ADAMTS6: variants seen among roughly 807,000 people sequenced by gnomAD.
ADAMTS6 encodes ADAM metallopeptidase with thrombospondin type 1 motif 6, also known as A disintegrin and metalloproteinase with thrombospondin motifs 6.
ADAMTS6 carries 23 observed loss-of-function variants against 144.3 expected under a neutral mutation model. That is an observed-to-expected ratio of 0.16 (90% CI 0.11 to 0.23). ADAMTS6 has a LOEUF of 0.23. ADAMTS6 is among the 10% of genes least tolerant of loss of function. The pLI, the probability that ADAMTS6 is intolerant of heterozygous loss-of-function variation, is 1.00. For synonymous variants in ADAMTS6, 444 were observed against 457.5 expected (o/e 0.97, Z 0.38); for missense variants, 999 against 1,379.6 (o/e 0.72, Z 4.37).
rs185280300 is a variant in ADAMTS6, at chr5:65,354,843, C to T, written c.1074-20758G>A. On this transcript the variant is annotated intron_variant, in intron 7 of 24. Transcript: ENST00000381055. ...TAATATCAAGCCTTGTATTTTATTC[C>T]GAATCTTCAACAAGGTTTTCCTTGG... Among the ~76,000 whole-genome samples the T allele has an allele frequency of 3.2e-3, 490 of 151,614 alleles. 2 individuals carry two copies. Among genetic ancestry groups the T allele is most frequent in the Middle Eastern group, 0.01 (3 of 294 alleles).
intron 9 of ADAMTS6, among the ~76,000 whole-genome samples, chr5:65,302,217 TATACTTATACATATAATTATTATATAC>T (rs1447881567): frequency 1.2e-4 from 18 of 144,742 alleles, no homozygotes; most frequent in African/African-American, 4.5e-4. Context: ...ACATATATTA[TATACTTATACATATAATTATTATATAC>T]ATATACATTA....
chr5:65,266,623 T>C lies in ADAMTS6; in HGVS notation c.1621-3661A>G, dbSNP rs139698034. On this transcript the variant is annotated intron_variant, in intron 12 of 24. Coordinates refer to ENST00000381055, the MANE Select transcript of ADAMTS6 (RefSeq NM_197941.4). ...AAGCAAGTCACTTTTCTTTCTTCTC[T>C]TTTGTTTCCTTAACTATAAAATGGA... Among the ~76,000 whole-genome samples the C allele has an allele frequency of 5.5e-3, 841 of 152,062 alleles. 9 individuals carry two copies. The highest frequency in any genetic ancestry group is 0.017 in the African/African-American group (718 of 41,560).
intron 14 of ADAMTS6, among the ~76,000 whole-genome samples, chr5:65,248,935 A>C (rs1759895139): frequency 6.6e-6 from 1 of 151,258 alleles, no homozygotes; most frequent in Non-Finnish European, 1.5e-5. Flanking sequence ...ATATATATAC[A>C]ATACATCATA....
intron 10 of ADAMTS6, among the ~76,000 whole-genome samples, chr5:65,292,094 T>G (rs911644413): frequency 6.6e-6 from 1 of 152,154 alleles, no homozygotes; most frequent in Non-Finnish European, 1.5e-5. Context: ...AATGTTCTCT[T>G]CTTTGTATAA....
At chr5:65,271,147 T>A (rs1432118498) in intron 12 of ADAMTS6, among the ~76,000 whole-genome samples, 1 of 152,098 alleles carries the variant, frequency 6.6e-6, no homozygotes, top group East Asian at 1.9e-4. Flanking sequence ...CCCAGCACTT[T>A]GGGAGGCCGA....
chr5:65,366,997 A>G (rs532903897), intron 7 of ADAMTS6, among the ~76,000 whole-genome samples: 1 of 152,256 alleles, frequency 6.6e-6, no homozygotes, highest in East Asian at 1.9e-4. Flanking sequence ...GGGTGGGGAG[A>G]CTTTTTAAAT....
intron 7 of ADAMTS6, among the ~76,000 whole-genome samples, chr5:65,352,125 A>G (rs1748908175): frequency 6.7e-6 from 1 of 149,890 alleles, no homozygotes. Flanking sequence ...AGTATCTAGC[A>G]GGCACTGATA....
chr5:65,292,432 G>C, intron 10 of ADAMTS6, among the ~76,000 whole-genome samples: 1 of 150,450 alleles, frequency 6.6e-6, no homozygotes, highest in Non-Finnish European at 1.5e-5. Flanking sequence ...TTTGCCAAAG[G>C]AAAATAATTT....
rs1487124608 is a variant in ADAMTS6 at position 65,150,766 on chromosome 5, TG to T, written c.*1069del. ...TCTACCATATCAAAGAAGGGACATC[TG>T]GAACTCATCGTAATTGTCAACAAAC... is the stretch of plus-strand genomic sequence containing the variant. On this transcript the variant is annotated 3_prime_UTR_variant, in exon 25 of 25. Coordinates refer to ENST00000381055, the MANE Select transcript of ADAMTS6 (RefSeq NM_197941.4). The T allele has an allele frequency of 2.0e-5, 3 of 152,658 alleles. No homozygotes were observed. Among genetic ancestry groups the T allele is most frequent in the African/African-American group, 7.2e-5 (3 of 41,456 alleles). 9.5% of individuals were successfully genotyped at this position (152,658 alleles called of 1,614,324 possible).
intron 6 of ADAMTS6, among the ~76,000 whole-genome samples, 175 bp downstream of exon 6, chr5:65,451,958 C>T (rs992198337): frequency 1.3e-5 from 2 of 152,078 alleles, no homozygotes; most frequent in South Asian, 2.1e-4. Flanking sequence ...AAGGTATATT[C>T]TTGTAATGTA....
chr5:65,451,350 A>G, intron 7 of ADAMTS6, 125 bp downstream of exon 7: 1 of 1,036,358 alleles, frequency 9.6e-7, no homozygotes, highest in Non-Finnish European at 1.4e-6. Flanking sequence ...TCAGTAGTGA[A>G]AAATAAATTA....
chr5:65,300,387 CTT>C (rs1743238786), intron 9 of ADAMTS6, among the ~76,000 whole-genome samples: 1 of 152,288 alleles, frequency 6.6e-6, no homozygotes, highest in Admixed American at 6.5e-5. Flanking sequence ...TTCAATTTCT[CTT>C]TGAGCCGAAT....
chr5:65,333,965 C>G, intron 8 of ADAMTS6, 77 bp downstream of exon 8: 2 of 1,139,574 alleles, frequency 1.8e-6, no homozygotes, highest in East Asian at 8.1e-5. Flanking sequence ...GTCATTGGTC[C>G]AAAAAGACAA....
intron 8 of ADAMTS6, among the ~76,000 whole-genome samples, chr5:65,330,626 T>G (rs1389319): frequency 6.6e-6 from 1 of 152,122 alleles, no homozygotes; most frequent in African/African-American, 2.4e-5. Flanking sequence ...ATATTTTTAC[T>G]GACAAGAAAG....
chr5:65,241,895 TG>T (rs982150312), intron 15 of ADAMTS6, among the ~76,000 whole-genome samples: 21 of 152,222 alleles, frequency 1.4e-4, no homozygotes. Context: ...AAATGATTTC[TG>T]ATCATTTGTA....
chr5:65,319,739 G>GGGAAGGAAGGAAGGAAGGAAGGAAGGAA (rs776411832), intron 9 of ADAMTS6, among the ~76,000 whole-genome samples: 3 of 65,590 alleles, frequency 4.6e-5, no homozygotes, highest in African/African-American at 2.4e-4. Flanking sequence ...GAGGGAGGGA[G>GGGAAGGAAGGAAGGAAGGAAGGAAGGAA]GGAAGGAAGG....
intron 7 of ADAMTS6, among the ~76,000 whole-genome samples, chr5:65,397,019 T>G (rs1753399452): frequency 6.6e-6 from 1 of 152,252 alleles, no homozygotes; most frequent in Non-Finnish European, 1.5e-5. Context: ...CTTTAATAGC[T>G]AAAAGGTCTA....
intron 15 of ADAMTS6, among the ~76,000 whole-genome samples, chr5:65,238,190 C>G (rs924438362): frequency 6.6e-6 from 1 of 152,024 alleles, no homozygotes; most frequent in African/African-American, 2.4e-5. Context: ...ACAAATTATA[C>G]TCTAGGCCCA....
chr5:65,160,178 A>C (rs1752664855), intron 24 of ADAMTS6, among the ~76,000 whole-genome samples: 1 of 152,140 alleles, frequency 6.6e-6, no homozygotes, highest in Admixed American at 6.5e-5. Flanking sequence ...GTCTTGGGGT[A>C]GAGTTGAAGT....
Sources: allele counts gnomAD v4.1 joint callset (sites outside exome capture counted in the v4.1 genomes callset), GRCh38; gene constraint gnomAD v4.1.1; transcripts MANE v1.5; gene names NCBI Gene and HGNC (gene_info 2026-07-23, HGNC 2026-07-21).